ALB: variants seen among roughly 807,000 people sequenced by gnomAD.
ALB encodes albumin.
A neutral mutation model predicts 74.5 loss-of-function variants in ALB; 37 were observed. The observed-to-expected ratio is 0.50, with a 90% CI of 0.38 to 0.65. ALB has a LOEUF of 0.65. Among genes scored for constraint, ALB ranks in the 30% least tolerant of loss-of-function variants. The pLI is 0.00. For missense variants in ALB, 685 were observed against 718.7 expected, an observed-to-expected ratio of 0.95 and a Z score of 0.54; for synonymous variants, 249 against 251.6, an observed-to-expected ratio of 0.99 and a Z score of 0.10.
At chr4:73,420,347 A>G in intron 14 of ALB, 26 bp downstream of exon 14, 1 of 1,449,656 alleles carries the variant, frequency 6.9e-7, no homozygotes, top group Non-Finnish European at 9.6e-7. Flanking sequence ...ATTTTTTAAA[A>G]AAGTAACTAT....
chr4:73,418,553 A>G (rs1375531230), intron 12 of ALB, among the ~76,000 whole-genome samples: 1 of 152,242 alleles, frequency 6.6e-6, no homozygotes, highest in Non-Finnish European at 1.5e-5. Flanking sequence ...CCACAATAGA[A>G]TAACATGTTA....
rs557380592 is a variant in ALB, at chr4:73,412,587, AG to A, written c.843+464del. Among the ~76,000 whole-genome samples the A allele has an allele frequency of 3.0e-4, 45 of 152,274 alleles. No individual in the cohort carries two copies. The South Asian group carries it at 9.3e-3, about 32-fold the overall frequency. ...CAGCCTCCCAAGTAGCTGGGATTAC[AG>A]GCATGCGCCACCACACCTGGCTAAT... On this transcript the variant is annotated intron_variant, in intron 7 of 14. Coordinates refer to ENST00000295897, the MANE Select transcript of ALB (RefSeq NM_000477.7).
intron 9 of ALB, among the ~76,000 whole-genome samples, chr4:73,415,929 G>C (rs1045525038): frequency 1.3e-5 from 2 of 152,146 alleles, no homozygotes; most frequent in African/African-American, 4.8e-5. Flanking sequence ...TATGAGATGA[G>C]TGCCATCTTT....
intron 12 of ALB, among the ~76,000 whole-genome samples, chr4:73,418,983 G>A (rs1027948035): frequency 2.2e-4 from 33 of 152,116 alleles, no homozygotes; most frequent in African/African-American, 8.0e-4. Flanking sequence ...AGTTTGGATA[G>A]CCTTATTTTC....
chr4:73,410,482 T>C, intron 6 of ALB, 73 bp downstream of exon 6: 1 of 1,171,786 alleles, frequency 8.5e-7, no homozygotes, highest in Non-Finnish European at 1.3e-6. Context: ...AAATTGTACA[T>C]TTTTATGTAT....
intron 2 of ALB, 82 bp downstream of exon 2, chr4:73,405,255 A>G: frequency 8.2e-7 from 1 of 1,220,572 alleles, no homozygotes; most frequent in Non-Finnish European, 1.2e-6. Context: ...TTTCCTTGTC[A>G]TCAGGGTTCA....
In ALB at chr4:73,404,373, G is replaced by A; in HGVS notation, c.46G>A (p.Ala16Thr). ...FISLLFLFSS[A>T]YSRGVFRRDA... ...TTCCCTTCTTTTTCTCTTTAGCTCG[G>A]CTTATTCCAGGGGTGTGTTTCGTCG... Residue 16 changes from alanine (A) to threonine (T), a missense_variant, in exon 1 of 15, where the codon GCT (alanine) becomes ACT (threonine). Ala to Thr is a moderately conservative substitution (Grantham distance 58). Transcript: ENST00000295897. 1 of 1,613,634 alleles carries A rather than the reference G, an allele frequency of 6.2e-7. No individual in the cohort carries two copies. Among genetic ancestry groups the A allele is most frequent in the Non-Finnish European group, 8.5e-7 (1 of 1,179,760 alleles).
rs1223081932 is a variant in ALB, at chr4:73,405,213, A to G, written c.137+40A>G. ...TGATGAATCAAATTTAATGTTTCTA[A>G]TAGTGTTGTTTATTATTCTAAAGTG... On this transcript the variant is annotated intron_variant, in intron 2 of 14. Transcript: ENST00000295897. 2.0e-6 allele frequency: 3 copies of G among 1,498,870 alleles called. No individual in the cohort carries two copies. In the South Asian group the frequency reaches 3.4e-5, roughly 17 times the overall value. 92.8% of individuals were successfully genotyped at this position (1,498,870 alleles called of 1,614,324 possible).
At position 73,406,750 on chromosome 4, in the gene ALB, G is replaced by A. The variant is rs78574148; in HGVS notation, c.259G>A (p.Asp87Asn). Residue 87 changes from aspartate to asparagine, a missense_variant, in exon 3 of 15, where the codon GAC (aspartate) becomes AAC (asparagine). By Grantham distance (23) the Asp-to-Asn change is conservative. Coordinates refer to ENST00000295897, the MANE Select transcript of ALB (RefSeq NM_000477.7). ...TGCTGATGAGTCAGCTGAAAATTGT[G>A]ACAAATCACTTGTAAGTACATTCTA... ...CVADESAENC[D>N]KSLHTLFGDK... 6.8e-6 allele frequency: 11 copies of A among 1,613,746 alleles called. No homozygotes were observed. The highest frequency in any genetic ancestry group is 9.3e-6 in the Non-Finnish European group (11 of 1,179,914).
chr4:73,407,358 T>C (rs1718761040), intron 3 of ALB, among the ~76,000 whole-genome samples: 2 of 152,256 alleles, frequency 1.3e-5, no homozygotes, highest in Non-Finnish European at 2.9e-5. Flanking sequence ...TATTATGTAC[T>C]GTTTATCTTT....
At chr4:73,410,183 A>G (rs1021303101) in intron 5 of ALB, 129 bp from the exon 6 acceptor site, 9 of 721,180 alleles carry the variant, frequency 1.2e-5, no homozygotes, top group Non-Finnish European at 2.3e-5. Context: ...CGCTAAAGGG[A>G]GTACTTGGGA....
intron 3 of ALB, among the ~76,000 whole-genome samples, chr4:73,408,297 C>T (rs1172869914): frequency 6.6e-6 from 1 of 152,140 alleles, no homozygotes; most frequent in Non-Finnish European, 1.5e-5. Context: ...AATGATTGCT[C>T]TTACCCTTTA....
At chr4:73,406,549 C>T (rs1718734437) in intron 2 of ALB, 80 bp from the exon 3 acceptor site, 1 of 1,332,140 alleles carries the variant, frequency 7.5e-7, no homozygotes. Flanking sequence ...TATACCCATA[C>T]ATGATTTGTT....
chr4:73,405,017 G>T, intron 1 of ALB, 99 bp from the exon 2 acceptor site: 1 of 1,159,936 alleles, frequency 8.6e-7, no homozygotes. Flanking sequence ...TGAAACAAAT[G>T]CATAATCTAA....
intron 10 of ALB, 118 bp downstream of exon 10, chr4:73,416,471 C>A: frequency 1.3e-6 from 1 of 774,690 alleles, no homozygotes; most frequent in Non-Finnish European, 2.2e-6. Context: ...TTTCTAATCA[C>A]TCTTTGTCAA....
intron 3 of ALB, among the ~76,000 whole-genome samples, chr4:73,407,091 T>C (rs747078452): frequency 2.0e-4 from 31 of 152,208 alleles, no homozygotes; most frequent in Non-Finnish European, 4.3e-4. Context: ...TGATAGCATG[T>C]ATTTATTTAT....
At chr4:73,405,031 A>G in intron 1 of ALB, 85 bp from the exon 2 acceptor site, 1 of 1,337,752 alleles carries the variant, frequency 7.5e-7, no homozygotes, top group Non-Finnish European at 1.1e-6. Context: ...AATCTAAGTC[A>G]AATGGAAAGA....
chr4:73,417,559 C>G lies in ALB; in HGVS notation c.1318C>G (p.Pro440Ala). 1 of 1,613,920 alleles carries G rather than the reference C, an allele frequency of 6.2e-7. No homozygotes were observed. The highest frequency in any genetic ancestry group is 8.5e-7 in the Non-Finnish European group (1 of 1,179,952). Reference protein sequence around the residue: ...ALLVRYTKKVPQVSTPTLVEV... With the variant: ...ALLVRYTKKVAQVSTPTLVEV... The stretch of plus-strand genomic sequence containing the variant: ...ATTAGTTCGTTACACCAAGAAAGTA[C>G]CCCAAGTGTCAACTCCAACTCTTGT... The change falls in exon 11 of 15, where the codon CCC (proline) becomes GCC (alanine). Residue 440 changes from proline (P) to alanine (A), a missense_variant. Transcript: ENST00000295897.
chr4:73,409,506 G>GA lies in ALB; in HGVS notation c.615+26dup, dbSNP rs1341841130. On this transcript the variant is annotated intron_variant, in intron 5 of 14. Transcript: ENST00000295897. ...GCCAAAGGTATTATGCAAAAGAATAGAAAAAAAGAGTTCATTATCCAACCT... is the reference window on the plus strand; with the variant it reads ...GCCAAAGGTATTATGCAAAAGAATAGAAAAAAAAGAGTTCATTATCCAACCT... 1 of 1,612,124 alleles carries GA rather than the reference G, an allele frequency of 6.2e-7. No homozygotes were observed. The highest frequency in any genetic ancestry group is 1.7e-5 in the Admixed American group (1 of 59,614).
Sources: allele counts gnomAD v4.1 joint callset (sites outside exome capture counted in the v4.1 genomes callset), GRCh38; gene constraint gnomAD v4.1.1; transcripts MANE v1.5; gene names NCBI Gene and HGNC (gene_info 2026-07-23, HGNC 2026-07-21).